Variants in TRMT2A observed in about 807,000 individuals in gnomAD.
TRMT2A encodes tRNA methyltransferase 2A.
In TRMT2A, 60 loss-of-function variants were observed where a neutral mutation model predicts 59.3. The observed-to-expected ratio is 1.01, with a 90% CI of 0.82 to 1.26. TRMT2A has a LOEUF of 1.26. Ranked by LOEUF, TRMT2A falls within the 50% of genes most tolerant of loss-of-function variation. The pLI is 0.00. For synonymous variants in TRMT2A, 403 were observed against 353.7 expected (o/e 1.14, Z -1.56); for missense variants, 863 against 845.2 (o/e 1.02, Z -0.26).
At position 20,117,108 on chromosome 22, in the gene TRMT2A, AG is replaced by A; in HGVS notation, c.-203del. 1.4e-6 allele frequency: 1 copy of A among 689,762 alleles called. No individual in the cohort carries two copies. Among genetic ancestry groups the A allele is most frequent in the Admixed American group, 2.8e-5 (1 of 35,644 alleles). The allele number at this position is 689,762 out of a possible 1,614,324, so 42.7% of individuals were successfully genotyped here. A position where few individuals can be genotyped will look rare whatever the true frequency, so the allele number is the denominator to read the frequency against. On this transcript the variant is annotated 5_prime_UTR_variant, in exon 1 of 12. Transcript: ENST00000252136. ...GGCGGGACTCGAACCTGCGATGCTC[AG>A]GTCCGGGTCTCAGGCTTGGGGCTGT...
intron 7 of TRMT2A, 87 bp downstream of exon 7, chr22:20,114,487 G>T (rs146636296): frequency 6.2e-6 from 7 of 1,122,618 alleles, no homozygotes; most frequent in Admixed American, 1.7e-5. Context: ...AAATCTCACC[G>T]CCTGAGCCCA....
Position 20,116,105 on chromosome 22 carries a change from C to G in TRMT2A, c.532G>C (p.Val178Leu). ...CGCTCAAGCTGCTCAGCATAGGGCACTGTCCATAGAGGGGTCACCACGTCG... is the reference window on the plus strand; with the variant it reads ...CGCTCAAGCTGCTCAGCATAGGGCAGTGTCCATAGAGGGGTCACCACGTCG... Reference protein sequence around the residue: ...VADVVTPLWTVPYAEQLERKQ... With the variant: ...VADVVTPLWTLPYAEQLERKQ... The change falls in exon 2 of 12, where the codon GTG (valine) becomes CTG (leucine). Residue 178 changes from valine to leucine, a missense_variant. By Grantham distance (32) the Val-to-Leu change is conservative (BLOSUM62 1). Coordinates refer to ENST00000252136, the MANE Select transcript of TRMT2A (RefSeq NM_022727.6). 6.2e-7 allele frequency: 1 copy of G among 1,607,970 alleles called. No individual in the cohort carries two copies. The highest frequency in any genetic ancestry group is 8.5e-7 in the Non-Finnish European group (1 of 1,176,006).
chr22:20,116,665 G>GC (rs2050032859), intron 1 of TRMT2A, 53 bp from the exon 2 acceptor site: 6 of 1,504,836 alleles, frequency 4.0e-6, no homozygotes, highest in South Asian at 1.3e-5. Context: ...TGGGGGCCTG[G>GC]CCCCCCAAGC....
At position 20,116,495 on chromosome 22, in the gene TRMT2A, C is replaced by A; in HGVS notation, c.142G>T (p.Gly48Trp). The A allele has an allele frequency of 8.1e-6, 13 of 1,612,812 alleles. No individual in the cohort carries two copies. The highest frequency in any genetic ancestry group is 1.1e-5 in the Non-Finnish European group (13 of 1,179,944). Residue 48 changes from glycine to tryptophan, a missense_variant, in exon 2 of 12, where the codon GGG becomes TGG. Physicochemically the swap from Gly to Trp is radical, Grantham distance 184. Coordinates refer to ENST00000252136, the MANE Select transcript of TRMT2A (RefSeq NM_022727.6). The stretch of plus-strand genomic sequence containing the variant: ...TGAGGCCCCGGCCCTGTAGCCGCCC[C>A]AGCGCCCTCTTTCTCCACCTCCTCC... ...ALEEVEKEGAGAATGPGPQPG... is the reference protein window; with the variant it reads ...ALEEVEKEGAWAATGPGPQPG...
In TRMT2A at chr22:20,112,693, A is replaced by T. The variant is rs778299725; in HGVS notation, c.1748T>A (p.Leu583His). The T allele has an allele frequency of 9.3e-6, 15 of 1,613,946 alleles. No individual in the cohort carries two copies. The highest frequency in any genetic ancestry group is 1.3e-5 in the Non-Finnish European group (15 of 1,180,036). ...LFPQTPHCEM[L>H]ILFERVEHPN... ...GTGCTCCACCCTCTCAAACAGGATG[A>T]GCATCTCACAGTGCGGGGTCTGCGG... Residue 583 changes from leucine to histidine, a missense_variant, in exon 12 of 12, where the codon CTC (leucine) becomes CAC (histidine). Coordinates refer to ENST00000252136, the MANE Select transcript of TRMT2A (RefSeq NM_022727.6).
At chr22:20,113,349 C>T (rs2049906133) in intron 9 of TRMT2A, 83 bp downstream of exon 9, 2 of 1,543,498 alleles carry the variant, frequency 1.3e-6, no homozygotes, top group Non-Finnish European at 8.8e-7. Context: ...CGGGCAGCCC[C>T]CAAGCCCTGG....
rs756773574 is a variant in TRMT2A at position 20,113,098 on chromosome 22, C to T, written c.1549+20G>A. The T allele has an allele frequency of 3.1e-6, 5 of 1,608,734 alleles. No homozygotes were observed. On this transcript the variant is annotated intron_variant, in intron 10 of 11. Transcript: ENST00000252136. ...TGTGTCCTCGTTCCCGTGCCACCTCCTTAAGCAAAAGCCACTCACGCAAGC... is the reference window on the plus strand; with the variant it reads ...TGTGTCCTCGTTCCCGTGCCACCTCTTTAAGCAAAAGCCACTCACGCAAGC...
At position 20,116,132 on chromosome 22, in the gene TRMT2A, C is replaced by G. The variant is rs1375486760; in HGVS notation, c.505G>C (p.Ala169Pro). ...GESEPPVTRV[A>P]DVVTPLWTVP... ...GTCCATAGAGGGGTCACCACGTCGG[C>G]CACTCGTGTTACTGGTGGCTCACTC... Residue 169 changes from alanine (A) to proline (P), a missense_variant, in exon 2 of 12, where the codon GCC becomes CCC. Ala to Pro is a conservative substitution (Grantham distance 27). Transcript: ENST00000252136. 6.2e-7 allele frequency: 1 copy of G among 1,612,678 alleles called. No individual in the cohort carries two copies. Among genetic ancestry groups the G allele is most frequent in the African/African-American group, 1.3e-5 (1 of 74,960 alleles).
rs1341347681 is a variant in TRMT2A at position 20,112,190 on chromosome 22, A to C, written c.*373T>G. 3.7e-6 allele frequency: 1 copy of C among 269,326 alleles called. No homozygotes were observed. Among genetic ancestry groups the C allele is most frequent in the Non-Finnish European group, 7.0e-6 (1 of 143,576 alleles). The allele number at this position is 269,326 out of a possible 1,614,324, so 16.7% of individuals were successfully genotyped here. On this transcript the variant is annotated 3_prime_UTR_variant, in exon 12 of 12. Transcript: ENST00000252136. ...CTTTTTTAAAGTAAGCTCTGCCCTG[A>C]CTCCCCCAGCCATGCAGAGAGGCTT...
Position 20,113,478 on chromosome 22 carries a change from T to C in TRMT2A, c.1386A>G (p.Leu462=), listed in dbSNP as rs764648243. The change falls in exon 9 of 12, where the codon CTA becomes CTG. Residue 462 remains leucine, a synonymous_variant. Transcript: ENST00000252136. The part of the protein sequence containing the change: ...RKVKRVIGVE[L]CPEAVEDARV... ...GGGCGTCCTCCACAGCCTCTGGGCA[T>C]AGCTCGACCCCAATGACCCTCTTTA... The C allele has an allele frequency of 1.9e-6, 3 of 1,611,248 alleles. No homozygotes were observed. The highest frequency in any genetic ancestry group is 1.1e-5 in the South Asian group (1 of 91,012).
intron 7 of TRMT2A, among the ~76,000 whole-genome samples, chr22:20,114,013 G>C (rs113220768): frequency 6.6e-6 from 1 of 152,168 alleles, no homozygotes; most frequent in Non-Finnish European, 1.5e-5. Flanking sequence ...AGCCAAGCCC[G>C]TGCTAAGCAC....
rs747670364 is a variant in TRMT2A at position 20,113,719 on chromosome 22, A to G, written c.1323T>C (p.Cys441=). The G allele has an allele frequency of 6.2e-7, 1 of 1,605,670 alleles. No homozygotes were observed. Among genetic ancestry groups the G allele is most frequent in the Admixed American group, 1.7e-5 (1 of 59,300 alleles). Residue 441 remains cysteine (C), a synonymous_variant, in exon 8 of 12, where the codon TGT becomes TGC. Coordinates refer to ENST00000252136, the MANE Select transcript of TRMT2A (RefSeq NM_022727.6). The part of the protein sequence containing the change: ...DAGSMVLDVC[C]GTGTIGLALA... The stretch of plus-strand genomic sequence containing the variant: ...GGGCCAGGCCAATGGTGCCGGTGCC[A>G]CAGCACACGTCCAGCACCATGCTCC...
At chr22:20,113,401 C>CAA in intron 9 of TRMT2A, 31 bp downstream of exon 9, 6 of 893,472 alleles carry the variant, frequency 6.7e-6, no homozygotes, top group African/African-American at 1.6e-5. Context: ...CTGCCCCCAT[C>CAA]CCCACCCCCA....
chr22:20,113,197 C>A lies in TRMT2A; in HGVS notation c.1470G>T (p.Glu490Asp). Residue 490 changes from glutamate to aspartate, a missense_variant, in exon 10 of 12, where the codon GAG (glutamate) becomes GAT (aspartate). Coordinates refer to ENST00000252136, the MANE Select transcript of TRMT2A (RefSeq NM_022727.6). ...SNVEFHCGRA[E>D]DLVPTLVSRL... ...TGCTCACCAGGGTGGGCACCAGGTCCTCGGCCCTCCCGCAGTGGAACTCCA... is the reference window on the plus strand; with the variant it reads ...TGCTCACCAGGGTGGGCACCAGGTCATCGGCCCTCCCGCAGTGGAACTCCA... 6.3e-7 allele frequency: 1 copy of A among 1,585,758 alleles called. No individual in the cohort carries two copies. Among genetic ancestry groups the A allele is most frequent in the Admixed American group, 1.7e-5 (1 of 57,882 alleles).
Position 20,113,445 on chromosome 22 carries a change from G to A in TRMT2A, c.1419C>T (p.Asn473=), listed in dbSNP as rs763414765. The change falls in exon 9 of 12, where the codon AAC becomes AAT. Residue 473 remains asparagine (N), a synonymous_variant. Transcript: ENST00000252136. ...CPEAVEDARV[N]AQDNELSNVE... ...CTTGCCACTCACCATTGTCCTGGGC[G>A]TTCACCCGGGCGTCCTCCACAGCCT... 1.9e-5 allele frequency: 31 copies of A among 1,612,076 alleles called. No individual in the cohort carries two copies. The highest frequency in any genetic ancestry group is 1.5e-4 in the South Asian group (14 of 91,006).
Position 20,115,743 on chromosome 22 carries a change from G to T in TRMT2A, c.637C>A (p.Leu213Met), listed in dbSNP as rs1320992931. 1.2e-6 allele frequency: 2 copies of T among 1,612,250 alleles called. No individual in the cohort carries two copies. Among genetic ancestry groups the T allele is most frequent in the African/African-American group, 2.7e-5 (2 of 74,942 alleles). ...TTGTGCTTGTGCCTCTGCTCGAGCA[G>T]CCAGGGCAGCAAGGCACGGTTGGTG... ...GSTNRALLPW[L>M]LEQRHKHNKA... Residue 213 changes from leucine (L) to methionine (M), a missense_variant, in exon 3 of 12, where the codon CTG becomes ATG. By Grantham distance (15) the Leu-to-Met change is conservative. Transcript: ENST00000252136.
At chr22:20,113,393 G>GCCCCCCTCCCCCCCCCCCCCCCC in intron 9 of TRMT2A, 39 bp downstream of exon 9, 8 of 1,556,264 alleles carry the variant, frequency 5.1e-6, no homozygotes, top group South Asian at 1.2e-5. Flanking sequence ...GGTGGCGGCT[G>GCCCCCCTCCCCCCCCCCCCCCCC]CCCCCATCCC....
chr22:20,114,934 C>T, intron 5 of TRMT2A, 31 bp downstream of exon 5: 2 of 1,569,368 alleles, frequency 1.3e-6, no homozygotes, highest in Non-Finnish European at 8.6e-7. Context: ...CTAGGCTAGG[C>T]ACCCTCCCCC....
intron 7 of TRMT2A, 50 bp downstream of exon 7, chr22:20,114,524 G>T: frequency 6.8e-7 from 1 of 1,469,088 alleles, no homozygotes. Flanking sequence ...CTGATGGTGC[G>T]TCAGGCCTCC....
Sources: gnomAD v4.1 joint callset for allele counts (sites outside exome capture counted in the v4.1 genomes callset) on GRCh38, gnomAD v4.1.1 for gene constraint, MANE v1.5 for transcripts, NCBI Gene and HGNC (gene_info 2026-07-23, HGNC 2026-07-21) for gene names.